Variants in ICAM2 observed in about 807,000 individuals in gnomAD.
ICAM2 encodes ICAM-2.
ICAM2 carries 14 observed loss-of-function variants against 19.1 expected under a neutral mutation model. The observed-to-expected ratio is 0.73, with a 90% confidence interval of 0.48 to 1.15. The LOEUF (loss-of-function observed/expected upper bound fraction) is 1.15, where lower values mean the gene tolerates loss of function less well. Ranked by LOEUF, ICAM2 falls within the 50% of genes most tolerant of loss-of-function variation. The probability of loss-of-function intolerance (pLI) is 0.00; values close to 1 mark genes in which losing one functional copy is unlikely to be tolerated. For synonymous variants in ICAM2, 153 were observed against 152.7 expected (o/e 1.00, Z -0.01); for missense variants, 311 against 355.4 (o/e 0.88, Z 1.00).
chr17:64,004,911 G>A (rs986554915), intron 3 of ICAM2, 196 bp downstream of exon 3: 15 of 629,908 alleles, frequency 2.4e-5, no homozygotes, highest in South Asian at 5.5e-5. Context: ...GGTTGTCTGC[G>A]TCTTGAGATG....
rs370812584 is a variant in ICAM2, at chr17:64,003,824, G to T, written c.469C>A (p.His157Asn). The change falls in exon 4 of 5, where the codon CAC becomes AAC. Residue 157 changes from histidine to asparagine, a missense_variant. His to Asn is a moderately conservative substitution (Grantham distance 68). Coordinates refer to ENST00000579788, the MANE Select transcript of ICAM2 (RefSeq NM_001099789.2). The stretch of plus-strand genomic sequence containing the variant: ...GCTGCCTTCCCGAAGGTCTCATAGT[G>T]CAGAGTCTCATTGCCACGGAACAGG... The part of the protein sequence containing the change: ...LFLFRGNETL[H>N]YETFGKAAPA... 21 of 1,614,128 alleles carry T rather than the reference G, an allele frequency of 1.3e-5. No homozygotes were observed. The highest frequency in any genetic ancestry group is 1.6e-5 in the Non-Finnish European group (19 of 1,180,054).
rs1307604911 is a variant in ICAM2 at position 64,014,396 on chromosome 17, G to A, written c.-45+6127C>T. ...GAAAGAAAGGAAGGAAGGAAGGAAG[G>A]AAGGAAGGAAGAGAAAGAGAAAGAA... On this transcript the variant is annotated intron_variant, in intron 1 of 4. Transcript: ENST00000579788. Among the ~76,000 whole-genome samples the A allele has an allele frequency of 2.1e-3, 155 of 72,634 alleles. 2 individuals are homozygous for A. Among genetic ancestry groups the A allele is most frequent in the African/African-American group, 6.0e-3 (139 of 23,176 alleles). The allele number at this position is 72,634 out of a possible 152,430, so 47.7% of individuals were successfully genotyped here.
At chr17:64,016,422 C>T (rs962958490) in intron 1 of ICAM2, among the ~76,000 whole-genome samples, 3 of 152,216 alleles carry the variant, frequency 2.0e-5, no homozygotes, top group African/African-American at 7.2e-5. Flanking sequence ...CCTCCACCTA[C>T]CCCCAAACTT....
intron 1 of ICAM2, among the ~76,000 whole-genome samples, chr17:64,012,396 G>A (rs1464042362): frequency 2.0e-5 from 3 of 152,154 alleles, no homozygotes; most frequent in Admixed American, 6.5e-5. Context: ...TCAGGAGTTC[G>A]AGACCAGCCT....
intron 1 of ICAM2, among the ~76,000 whole-genome samples, chr17:64,019,384 T>A (rs1272517895): frequency 2.1e-5 from 3 of 143,014 alleles, no homozygotes; most frequent in Non-Finnish European, 3.1e-5. Context: ...AAATATAGTG[T>A]GACCCCATCT....
At chr17:64,014,008 T>A (rs1421233936) in intron 1 of ICAM2, among the ~76,000 whole-genome samples, 1 of 152,144 alleles carries the variant, frequency 6.6e-6, no homozygotes, top group Non-Finnish European at 1.5e-5. Flanking sequence ...AAAACGCTTA[T>A]ATATTTGACA....
At chr17:64,004,864 G>T (rs1046037451) in intron 3 of ICAM2, 3 of 588,742 alleles carry the variant, frequency 5.1e-6, no homozygotes, top group Non-Finnish European at 9.1e-6. Flanking sequence ...CTAAATGTTG[G>T]TTAGATTGTC....
rs772200649 is a variant in ICAM2, at chr17:64,004,138, G to C, written c.329-174C>G. The C allele has an allele frequency of 6.8e-6, 4 of 586,592 alleles. No homozygotes were observed. In the African/African-American group the frequency reaches 7.4e-5, roughly 11 times the overall value. 36.3% of individuals were successfully genotyped at this position (586,592 alleles called of 1,614,324 possible). A position where few individuals can be genotyped will look rare whatever the true frequency, so the allele number is the denominator to read the frequency against. On this transcript the variant is annotated intron_variant, in intron 3 of 4. Transcript: ENST00000579788. ...AGCAGTTGAGGATGGAGGCTGGACT[G>C]TGTGGTAGTTTTACAGACATGATGG...
At chr17:64,015,302 A>C (rs1314261928) in intron 1 of ICAM2, among the ~76,000 whole-genome samples, 2 of 152,232 alleles carry the variant, frequency 1.3e-5, no homozygotes, top group Non-Finnish European at 2.9e-5. Flanking sequence ...AAAATAAAGA[A>C]GACTATAAAA....
At chr17:64,006,348 C>T (rs367983794) in intron 2 of ICAM2, 10 of 349,500 alleles carry the variant, frequency 2.9e-5, no homozygotes, top group African/African-American at 2.1e-4. Context: ...ACAAAAAATA[C>T]AAAAATTAGC....
chr17:64,003,635 C>A lies in ICAM2; in HGVS notation c.649+9G>T. ...TCACTCCCAACTCCATCCACGGATC[C>A]CCCCTCACCATAGATCTCCAACATC... On this transcript the variant is annotated intron_variant, in intron 4 of 4. Transcript: ENST00000579788. 1.2e-6 allele frequency: 2 copies of A among 1,607,124 alleles called. No homozygotes were observed. The highest frequency in any genetic ancestry group is 1.7e-6 in the Non-Finnish European group (2 of 1,175,488).
rs541970211 is a variant in ICAM2, at chr17:64,006,918, CA to C, written c.-44-184del. 563 of 586,038 alleles carry C rather than the reference CA, an allele frequency of 9.6e-4. 1 individual carries two copies. The highest frequency in any genetic ancestry group is 1.6e-3 in the Non-Finnish European group (510 of 328,634). The allele number at this position is 586,038 out of a possible 1,614,324, so 36.3% of individuals were successfully genotyped here. A position where few individuals can be genotyped will look rare whatever the true frequency, so the allele number is the denominator to read the frequency against. On this transcript the variant is annotated intron_variant, in intron 1 of 4. Transcript: ENST00000579788. ...AGGAAGCTGGGAAGCTGCTGATAAG[CA>C]GGGCATAACCCAGTCCTCCCTGCTG...
In ICAM2 at chr17:64,005,198, C is replaced by G; in HGVS notation, c.237G>C (p.Leu79Phe). The G allele has an allele frequency of 6.2e-6, 10 of 1,614,088 alleles. No homozygotes were observed. The highest frequency in any genetic ancestry group is 8.5e-6 in the Non-Finnish European group (10 of 1,180,000). Reference protein sequence around the residue: ...LDEQAQWKHYLVSNISHDTVL... With the variant: ...LDEQAQWKHYFVSNISHDTVL... ...CCGTGTCATGGGAGATGTTTGAGAC[C>G]AAGTAATGTTTCCACTGAGCCTGTT... The change falls in exon 3 of 5, where the codon TTG becomes TTC. Residue 79 changes from leucine to phenylalanine, a missense_variant. By Grantham distance (22) the Leu-to-Phe change is conservative. Transcript: ENST00000579788.
chr17:64,003,421 G>T (rs1910946842), intron 4 of ICAM2: 1 of 573,868 alleles, frequency 1.7e-6, no homozygotes, highest in Non-Finnish European at 3.1e-6. Flanking sequence ...GGGCTTGATG[G>T]TGGCCGAGGA....
intron 1 of ICAM2, among the ~76,000 whole-genome samples, chr17:64,014,330 G>GGAAAGAAAGAAAGAAA (rs1187209016): frequency 1.3e-4 from 4 of 31,156 alleles, no homozygotes; most frequent in African/African-American, 4.4e-4. Flanking sequence ...AAGGAAGGAA[G>GGAAAGAAAGAAAGAAA]GAAAGAAAGA....
chr17:64,012,292 G>C (rs995581767), intron 1 of ICAM2, among the ~76,000 whole-genome samples: 1 of 152,042 alleles, frequency 6.6e-6, no homozygotes, highest in Non-Finnish European at 1.5e-5. Context: ...GTGAGACCCT[G>C]TGTCTATTAT....
rs1464813328 is a variant in ICAM2, at chr17:64,003,839, C to T, written c.454G>A (p.Gly152Ser). Residue 152 changes from glycine to serine, a missense_variant, in exon 4 of 5, where the codon GGC becomes AGC. Physicochemically the swap from Gly to Ser is moderately conservative, Grantham distance 56. Transcript: ENST00000579788. ...LDSLTLFLFR[G>S]NETLHYETFG... ...GTCTCATAGTGCAGAGTCTCATTGCCACGGAACAGGAAGAGGGTGAGGCTG... is the reference window on the plus strand; with the variant it reads ...GTCTCATAGTGCAGAGTCTCATTGCTACGGAACAGGAAGAGGGTGAGGCTG... 6.2e-7 allele frequency: 1 copy of T among 1,614,218 alleles called. No homozygotes were observed. The highest frequency in any genetic ancestry group is 8.5e-7 in the Non-Finnish European group (1 of 1,180,054).
intron 1 of ICAM2, among the ~76,000 whole-genome samples, chr17:64,010,250 G>A (rs1911396860): frequency 6.6e-6 from 1 of 152,232 alleles, no homozygotes; most frequent in Admixed American, 6.5e-5. Context: ...ACAGGAATAA[G>A]AGGAAACTGA....
At chr17:64,019,887 G>A (rs1008000300) in intron 1 of ICAM2, among the ~76,000 whole-genome samples, 3 of 150,984 alleles carry the variant, frequency 2.0e-5, no homozygotes, top group Non-Finnish European at 2.9e-5. Context: ...TCCTTGTGCT[G>A]AGTGGCAGCT....
Sources: allele counts gnomAD v4.1 joint callset (sites outside exome capture counted in the v4.1 genomes callset), GRCh38; gene constraint gnomAD v4.1.1; transcripts MANE v1.5; gene names NCBI Gene and HGNC (gene_info 2026-07-23, HGNC 2026-07-21).